The following ST3GAL3 variants were observed in gnomAD, a reference collection of about 807,000 sequenced individuals.
ST3GAL3 encodes the protein CMP-N-acetylneuraminate-beta-1,4-galactoside alpha-2,3-sialyltransferase.
Under a neutral mutation model 50.1 loss-of-function variants are expected in ST3GAL3, and 21 were observed. The ratio of observed to expected loss-of-function variants is 0.42; its 90% confidence interval spans 0.30 to 0.60. The LOEUF is 0.60. Among genes scored for constraint, ST3GAL3 ranks in the 20% least tolerant of loss-of-function variants. ST3GAL3 has a pLI of 0.19. For missense variants in ST3GAL3, 353 were observed against 489.4 expected (o/e 0.72, Z 2.63); for synonymous variants, 183 against 190.0 (o/e 0.96, Z 0.30).
Position 43,930,679 on chromosome 1 carries a change from T to G in ST3GAL3, c.*458T>G. ...CCATCAGGCAGTGTTACCTGTTAGC[T>G]CCCTGTGGGGCAGGAGTGCCAGGAC... is the stretch of plus-strand genomic sequence containing the variant. On this transcript the variant is annotated 3_prime_UTR_variant, in exon 12 of 12. Coordinates refer to ENST00000347631, the MANE Select transcript of ST3GAL3 (RefSeq NM_006279.5). The G allele has an allele frequency of 3.3e-6, 1 of 300,534 alleles. No homozygotes were observed. The highest frequency in any genetic ancestry group is 6.5e-6 in the Non-Finnish European group (1 of 152,804). The allele number at this position is 300,534 out of a possible 1,614,324, so 18.6% of individuals were successfully genotyped here.
intron 5 of ST3GAL3, chr1:43,841,159 G>C (rs1412812022): frequency 2.0e-5 from 3 of 152,398 alleles, no homozygotes; most frequent in Admixed American, 1.3e-4. Context: ...CTGGCGTTGA[G>C]TGCCTGAGGC....
intron 4 of ST3GAL3, among the ~76,000 whole-genome samples, chr1:43,823,472 G>A (rs763157621): frequency 2.6e-5 from 4 of 152,134 alleles, no homozygotes; most frequent in Admixed American, 6.5e-5. Context: ...AAGAGATTGC[G>A]CACTCTCTTG....
At chr1:43,753,116 C>T (rs780866269) in intron 2 of ST3GAL3, among the ~76,000 whole-genome samples, 11 of 152,168 alleles carry the variant, frequency 7.2e-5, no homozygotes, top group Non-Finnish European at 1.3e-4. Context: ...AATTTAAAAG[C>T]AGTAACACAG....
intron 9 of ST3GAL3, among the ~76,000 whole-genome samples, chr1:43,907,799 G>A (rs1417056004): frequency 6.6e-6 from 1 of 152,022 alleles, no homozygotes; most frequent in East Asian, 1.9e-4. Flanking sequence ...GAATGTATTT[G>A]GATCTCTTTC....
chr1:43,866,580 T>C (rs2071375688), intron 5 of ST3GAL3, among the ~76,000 whole-genome samples: 1 of 150,070 alleles, frequency 6.7e-6, no homozygotes, highest in African/African-American at 2.5e-5. Flanking sequence ...TGAGACCCTG[T>C]CTCAAGGTAA....
intron 4 of ST3GAL3, among the ~76,000 whole-genome samples, chr1:43,817,004 T>G (rs778229282): frequency 5.3e-5 from 8 of 152,196 alleles, no homozygotes; most frequent in Non-Finnish European, 1.0e-4. Context: ...GGGCAGTTCC[T>G]CAGCAAAGTT....
intron 2 of ST3GAL3, among the ~76,000 whole-genome samples, chr1:43,741,215 G>A (rs555713889): frequency 6.6e-6 from 1 of 152,212 alleles, no homozygotes; most frequent in South Asian, 2.1e-4. Flanking sequence ...TATGGTGCCA[G>A]CTACTCGAGA....
chr1:43,883,176 C>T (rs1281627525), intron 5 of ST3GAL3, among the ~76,000 whole-genome samples: 1 of 151,924 alleles, frequency 6.6e-6, no homozygotes, highest in African/African-American at 2.4e-5. Context: ...AGTGTGTTGC[C>T]TAGGCTGGTC....
chr1:43,859,054 T>C (rs929546455), intron 5 of ST3GAL3, among the ~76,000 whole-genome samples: 1 of 152,132 alleles, frequency 6.6e-6, no homozygotes, highest in Non-Finnish European at 1.5e-5. Context: ...GAAAACAAAT[T>C]GCACGTAGGT....
At chr1:43,763,015 C>T (rs761986481) in intron 2 of ST3GAL3, among the ~76,000 whole-genome samples, 3 of 152,178 alleles carry the variant, frequency 2.0e-5, no homozygotes, top group Non-Finnish European at 4.4e-5. Context: ...CCAGCATTTC[C>T]ACTTCTAGGA....
intron 3 of ST3GAL3, among the ~76,000 whole-genome samples, chr1:43,796,624 A>G (rs539285971): frequency 1.3e-5 from 2 of 152,326 alleles, no homozygotes; most frequent in East Asian, 1.9e-4. Context: ...ATTGTCTGCT[A>G]AAACAAAAAT....
intron 5 of ST3GAL3, among the ~76,000 whole-genome samples, chr1:43,854,876 G>T (rs1406486553): frequency 6.6e-6 from 1 of 152,146 alleles, no homozygotes; most frequent in South Asian, 2.1e-4. Flanking sequence ...TGGCACTTGT[G>T]TACTGTCTTC....
At chr1:43,764,159 T>C (rs1254036454) in intron 2 of ST3GAL3, among the ~76,000 whole-genome samples, 1 of 152,236 alleles carries the variant, frequency 6.6e-6, no homozygotes, top group African/African-American at 2.4e-5. Context: ...AGCTCTGTTA[T>C]GTATTTAATA....
At chr1:43,817,246 A>T (rs556459142) in intron 4 of ST3GAL3, among the ~76,000 whole-genome samples, 4 of 152,362 alleles carry the variant, frequency 2.6e-5, no homozygotes, top group Non-Finnish European at 2.9e-5. Flanking sequence ...AAAGCGTTCC[A>T]TAAAGTATGA....
At chr1:43,924,990 T>G (rs2083657836) in intron 11 of ST3GAL3, among the ~76,000 whole-genome samples, 1 of 152,152 alleles carries the variant, frequency 6.6e-6, no homozygotes, top group African/African-American at 2.4e-5. Flanking sequence ...TGTAGAGTGC[T>G]TAAGAGTGTG....
intron 5 of ST3GAL3, among the ~76,000 whole-genome samples, chr1:43,862,340 A>G (rs2070201459): frequency 6.6e-6 from 1 of 152,174 alleles, no homozygotes; most frequent in South Asian, 2.1e-4. Context: ...AGTTCTGTGT[A>G]TACCACATTA....
chr1:43,818,148 G>A (rs150444803), intron 4 of ST3GAL3, among the ~76,000 whole-genome samples: 26 of 152,006 alleles, frequency 1.7e-4, no homozygotes, highest in Admixed American at 1.0e-3. Context: ...CTGAAATTCT[G>A]GTTAAATTTT....
chr1:43,930,172 G>T lies in ST3GAL3; in HGVS notation c.1079G>T (p.Arg360Leu). 1 of 1,614,142 alleles carries T rather than the reference G, an allele frequency of 6.2e-7. No individual in the cohort carries two copies. The highest frequency in any genetic ancestry group is 1.1e-5 in the South Asian group (1 of 91,080). Residue 360 changes from arginine to leucine, a missense_variant, in exon 12 of 12, where the codon CGG becomes CTG. Transcript: ENST00000347631. The stretch of plus-strand genomic sequence containing the variant: ...ATCCAGCGAGAGAAAGAGTTTCTGC[G>T]GAAGCTGGTGAAAGCTCGCGTCATC... ...HNIQREKEFL[R>L]KLVKARVITD...
At chr1:43,754,092 T>G (rs1304985602) in intron 2 of ST3GAL3, among the ~76,000 whole-genome samples, 5 of 152,190 alleles carry the variant, frequency 3.3e-5, no homozygotes, top group Non-Finnish European at 7.3e-5. Flanking sequence ...AAGATATTCT[T>G]AGAGCCATAC....
Sources: gnomAD v4.1 joint callset for allele counts (sites outside exome capture counted in the v4.1 genomes callset) on GRCh38, gnomAD v4.1.1 for gene constraint, MANE v1.5 for transcripts, NCBI Gene and HGNC (gene_info 2026-07-23, HGNC 2026-07-21) for gene names.